The following ERC2 variants were observed in gnomAD, a reference collection of about 807,000 sequenced individuals.
ERC2 encodes the protein ERC protein 2.
ERC2 carries 42 observed loss-of-function variants against 114.8 expected under a neutral mutation model. The ratio of observed to expected loss-of-function variants is 0.37; its 90% confidence interval spans 0.29 to 0.47. The LOEUF (loss-of-function observed/expected upper bound fraction) is 0.47, where lower values mean the gene tolerates loss of function less well. ERC2 is among the 20% of genes least tolerant of loss of function. The pLI is 0.99. For missense variants in ERC2, 939 were observed against 1,150.7 expected (o/e 0.82, Z 2.66); for synonymous variants, 454 against 425.5 (o/e 1.07, Z -0.82).
chr3:56,251,998 C>T (rs1237890092), intron 3 of ERC2, among the ~76,000 whole-genome samples: 2 of 152,140 alleles, frequency 1.3e-5, no homozygotes, highest in South Asian at 2.1e-4. Context: ...TGGTTCTCAG[C>T]GCTGCCTTAT....
intron 6 of ERC2, among the ~76,000 whole-genome samples, chr3:56,111,325 CTCTCT>C (rs2078950950): frequency 7.1e-6 from 1 of 141,694 alleles, no homozygotes; most frequent in Non-Finnish European, 1.5e-5. Context: ...CTTTCTCTCT[CTCTCT>C]CTCAATCTCT....
chr3:55,592,154 C>T (rs762246958), intron 17 of ERC2, among the ~76,000 whole-genome samples: 19 of 152,262 alleles, frequency 1.2e-4, no homozygotes, highest in African/African-American at 4.1e-4. Flanking sequence ...TGAACGAATC[C>T]GGCTTCCTCA....
intron 3 of ERC2, among the ~76,000 whole-genome samples, chr3:56,285,022 CACACACACAT>C (rs1176441981): frequency 6.1e-5 from 8 of 130,996 alleles, no homozygotes; most frequent in African/African-American, 2.1e-4. Flanking sequence ...CACACACACA[CACACACACAT>C]ACACACACAC....
intron 14 of ERC2, among the ~76,000 whole-genome samples, chr3:55,807,342 C>G (rs1374785627): frequency 6.6e-6 from 1 of 152,114 alleles, no homozygotes; most frequent in African/African-American, 2.4e-5. Context: ...ATTTCTGGGC[C>G]TGGGATTTTA....
At chr3:55,595,939 T>C (rs1229812456) in intron 17 of ERC2, among the ~76,000 whole-genome samples, 2 of 152,176 alleles carry the variant, frequency 1.3e-5, no homozygotes, top group Non-Finnish European at 2.9e-5. Context: ...TGCACTTTCA[T>C]TTACACCTCA....
In ERC2 at chr3:55,845,779, C is replaced by A. The variant is rs578127324; in HGVS notation, c.2564+42610G>T. On this transcript the variant is annotated intron_variant, in intron 14 of 17. Transcript: ENST00000288221. ...AAGCTACTTGCCTGTAAAGGCAAGA[C>A]AATAACTCAGCTCACAGGAGACCAA... Among the ~76,000 whole-genome samples the A allele has an allele frequency of 2.6e-5, 4 of 152,376 alleles. No homozygotes were observed. The East Asian group carries it at 5.8e-4, about 22-fold the overall frequency.
chr3:56,431,608 T>A (rs1368426814), intron 2 of ERC2, among the ~76,000 whole-genome samples: 2 of 152,164 alleles, frequency 1.3e-5, no homozygotes, highest in Non-Finnish European at 2.9e-5. Flanking sequence ...ACTTACCCTA[T>A]CCTGACCAAC....
At chr3:55,919,782 G>A (rs964498409) in intron 13 of ERC2, among the ~76,000 whole-genome samples, 4 of 152,170 alleles carry the variant, frequency 2.6e-5, no homozygotes, top group African/African-American at 9.7e-5. Context: ...TAAGACTTGA[G>A]GGGGTAGTAA....
chr3:55,535,806 C>A (rs1236510287), intron 17 of ERC2, among the ~76,000 whole-genome samples: 2 of 152,150 alleles, frequency 1.3e-5, no homozygotes, highest in African/African-American at 4.8e-5. Context: ...CCAGCCTGGC[C>A]AACATGGCGA....
Position 55,784,024 on chromosome 3 carries a change from T to G in ERC2, c.2565-49106A>C, listed in dbSNP as rs905454505. ...AGATATTACCTTAAACTAGGACATTTTCATTCTAGAAGGGGAAGGGGTACT... is the reference window on the plus strand; with the variant it reads ...AGATATTACCTTAAACTAGGACATTGTCATTCTAGAAGGGGAAGGGGTACT... On this transcript the variant is annotated intron_variant, in intron 14 of 17. Coordinates refer to ENST00000288221, the MANE Select transcript of ERC2 (RefSeq NM_015576.3). Among the ~76,000 whole-genome samples the G allele has an allele frequency of 3.3e-5, 5 of 152,336 alleles. No individual in the cohort carries two copies. The East Asian group carries it at 7.7e-4, about 23-fold the overall frequency.
chr3:55,803,060 T>C (rs894178682), intron 14 of ERC2, among the ~76,000 whole-genome samples: 11 of 152,204 alleles, frequency 7.2e-5, no homozygotes, highest in African/African-American at 2.7e-4. Flanking sequence ...GGGAAAAATA[T>C]GAGTATGGTG....
At chr3:55,560,596 G>T (rs1056283017) in intron 17 of ERC2, among the ~76,000 whole-genome samples, 1 of 152,088 alleles carries the variant, frequency 6.6e-6, no homozygotes, top group Non-Finnish European at 1.5e-5. Context: ...TCCAACCCAG[G>T]ACAGCCACCA....
chr3:55,806,534 C>T (rs2059499835), intron 14 of ERC2, among the ~76,000 whole-genome samples: 4 of 151,910 alleles, frequency 2.6e-5, no homozygotes, highest in African/African-American at 4.8e-5. Flanking sequence ...AATTGAGCCC[C>T]GGGATTCTCA....
intron 14 of ERC2, among the ~76,000 whole-genome samples, chr3:55,836,937 G>A (rs1486930001): frequency 6.6e-6 from 1 of 152,154 alleles, no homozygotes; most frequent in Non-Finnish European, 1.5e-5. Context: ...ATCAAAAAGT[G>A]GGCGAAGGAT....
intron 2 of ERC2, among the ~76,000 whole-genome samples, chr3:56,414,724 CA>C (rs10706985): frequency 0.062 from 6,461 of 104,794 alleles, 332 homozygotes; most frequent in African/African-American, 0.16. Flanking sequence ...GACTCTGTCT[CA>C]AAAAAAAAAA....
chr3:55,741,147 T>G (rs2065943152), intron 14 of ERC2, among the ~76,000 whole-genome samples: 1 of 152,118 alleles, frequency 6.6e-6, no homozygotes, highest in African/African-American at 2.4e-5. Context: ...TGAATATAAT[T>G]TTATAAAAAC....
chr3:55,530,859 CA>C (rs1559605898), intron 17 of ERC2, among the ~76,000 whole-genome samples: 2 of 152,174 alleles, frequency 1.3e-5, no homozygotes, highest in Non-Finnish European at 1.5e-5. Context: ...TGGGGGTGGG[CA>C]TCCCCCCTCC....
At chr3:55,632,605 T>C (rs1411135458) in intron 17 of ERC2, among the ~76,000 whole-genome samples, 1 of 152,218 alleles carries the variant, frequency 6.6e-6, no homozygotes, top group Non-Finnish European at 1.5e-5. Flanking sequence ...CACTCCATCC[T>C]ATAGGATCTT....
chr3:56,093,801 G>T (rs138547085), intron 6 of ERC2, among the ~76,000 whole-genome samples: 126 of 152,166 alleles, frequency 8.3e-4, no homozygotes, highest in African/African-American at 2.8e-3. Flanking sequence ...TGTCTACAAG[G>T]TTGTTTATTT....
Sources: gnomAD v4.1 joint callset for allele counts (sites outside exome capture counted in the v4.1 genomes callset) on GRCh38, gnomAD v4.1.1 for gene constraint, MANE v1.5 for transcripts, NCBI Gene and HGNC (gene_info 2026-07-23, HGNC 2026-07-21) for gene names.